Variants in ZFYVE27 observed in about 807,000 individuals in gnomAD.
ZFYVE27 encodes the protein protrudin.
ZFYVE27 carries 36 observed loss-of-function variants against 52.8 expected under a neutral mutation model. The ratio of observed to expected loss-of-function variants is 0.68; its 90% CI spans 0.52 to 0.90. The LOEUF (loss-of-function observed/expected upper bound fraction) is 0.90. Ranked by LOEUF, ZFYVE27 falls within the 40% of genes least tolerant of loss-of-function variation. The pLI is 0.00. For synonymous variants in ZFYVE27, 223 were observed against 215.6 expected (o/e 1.03, Z -0.30); for missense variants, 450 against 527.2 (o/e 0.85, Z 1.43).
chr10:97,744,290 A>G (rs2044567823), intron 3 of ZFYVE27, among the ~76,000 whole-genome samples: 1 of 152,224 alleles, frequency 6.6e-6, no homozygotes, highest in Non-Finnish European at 1.5e-5. Context: ...AATCGTCTGC[A>G]GTGTCCTAAA....
rs7916454 is a variant in ZFYVE27, at chr10:97,748,600, A to G, written c.551+236A>G. 0.61 allele frequency among the ~76,000 whole-genome samples: 93,254 copies of G among 152,114 alleles called. 30,244 individuals carry two copies. The highest frequency in any genetic ancestry group is 0.73 in the Middle Eastern group (214 of 294). On this transcript the variant is annotated intron_variant, in intron 5 of 12. Coordinates refer to ENST00000684270, the MANE Select transcript of ZFYVE27 (RefSeq NM_001385875.1). ...TAATAGAAAAATAACTCACCATATA[A>G]TCCACCATGCAGCCGAATCTCTTGT...
chr10:97,748,291 C>G lies in ZFYVE27; in HGVS notation c.478C>G (p.Leu160Val). The change falls in exon 5 of 13, where the codon CTG becomes GTG. Residue 160 changes from leucine to valine, a missense_variant. Leu to Val is a conservative substitution (Grantham distance 32, BLOSUM62 1). Coordinates refer to ENST00000684270, the MANE Select transcript of ZFYVE27 (RefSeq NM_001385875.1). ...KSFLIQLEAF[L>V]SRLCCTCEAA... ...TAGCTTGATCCAGCTGGAGGCCTTC[C>G]TGAGCCGCCTGTGCTGCACATGTGA... 1 of 1,614,152 alleles carries G rather than the reference C, an allele frequency of 6.2e-7. No individual in the cohort carries two copies. The highest frequency in any genetic ancestry group is 8.5e-7 in the Non-Finnish European group (1 of 1,180,042).
Position 97,746,028 on chromosome 10 carries a change from CATATATAT to C in ZFYVE27, c.455+1130_455+1137del, listed in dbSNP as rs398046319. On this transcript the variant is annotated intron_variant, in intron 4 of 12. Coordinates refer to ENST00000684270, the MANE Select transcript of ZFYVE27 (RefSeq NM_001385875.1). ...TGAAATAGTTTTATATATATATACA[CATATATAT>C]ATATATATATATATATTTTTTTTTT... Among the ~76,000 whole-genome samples the C allele has an allele frequency of 8.5e-3, 1,098 of 129,292 alleles. 26 individuals are homozygous for C. The highest frequency in any genetic ancestry group is 0.03 in the African/African-American group (1,012 of 33,826). The allele number at this position is 129,292 out of a possible 152,430, so 84.8% of individuals were successfully genotyped here. A position where few individuals can be genotyped will look rare whatever the true frequency, so the allele number is the denominator to read the frequency against.
At position 97,753,069 on chromosome 10, in the gene ZFYVE27, A is replaced by T. The variant is rs1021309682; in HGVS notation, c.929A>T (p.Glu310Val). 3 of 1,611,944 alleles carry T rather than the reference A, an allele frequency of 1.9e-6. No homozygotes were observed. The highest frequency in any genetic ancestry group is 1.7e-6 in the Non-Finnish European group (2 of 1,179,296). ...EDDEGAPCPA[E>V]DELALQDNGF... ...GATGAGGGCGCCCCGTGCCCAGCAGAGGATGAGCTGGCCCTGCAGGACAAC... is the reference window on the plus strand; with the variant it reads ...GATGAGGGCGCCCCGTGCCCAGCAGTGGATGAGCTGGCCCTGCAGGACAAC... The change falls in exon 10 of 13, where the codon GAG becomes GTG. Residue 310 changes from glutamate to valine, a missense_variant. Glu to Val is a moderately radical substitution (Grantham distance 121). Coordinates refer to ENST00000684270, the MANE Select transcript of ZFYVE27 (RefSeq NM_001385875.1).
chr10:97,759,503 C>G lies in ZFYVE27; in HGVS notation c.*203C>G, dbSNP rs1331812198. The G allele has an allele frequency of 1.1e-5, 7 of 654,412 alleles. No individual in the cohort carries two copies. Among genetic ancestry groups the G allele is most frequent in the South Asian group, 6.8e-5 (4 of 59,094 alleles). 40.5% of individuals were successfully genotyped at this position (654,412 alleles called of 1,614,324 possible). A position where few individuals can be genotyped will look rare whatever the true frequency, so the allele number is the denominator to read the frequency against. Reference sequence around the variant, plus strand: ...GAGAGTGGCTGGCAATGGCTGCTCTCAATCCCTTGAGGGAGAAGAGCCCCT... The same window carrying G: ...GAGAGTGGCTGGCAATGGCTGCTCTGAATCCCTTGAGGGAGAAGAGCCCCT... On this transcript the variant is annotated 3_prime_UTR_variant, in exon 13 of 13. Transcript: ENST00000684270.
At chr10:97,741,670 G>A (rs2043675251) in intron 2 of ZFYVE27, among the ~76,000 whole-genome samples, 1 of 152,040 alleles carries the variant, frequency 6.6e-6, no homozygotes, top group South Asian at 2.1e-4. Flanking sequence ...GTAGATGATG[G>A]GTTGATGGGT....
At chr10:97,750,605 C>A in intron 7 of ZFYVE27, 135 bp downstream of exon 7, 2 of 1,159,428 alleles carry the variant, frequency 1.7e-6, no homozygotes, top group Non-Finnish European at 2.4e-6. Context: ...CTGAAGTGTT[C>A]AATAATAATA....
At chr10:97,758,464 C>T (rs556337131) in intron 12 of ZFYVE27, among the ~76,000 whole-genome samples, 7 of 152,044 alleles carry the variant, frequency 4.6e-5, no homozygotes, top group Non-Finnish European at 8.8e-5. Flanking sequence ...GCTGGGATTA[C>T]AGGCATGCGC....
rs1351132836 is a variant in ZFYVE27, at chr10:97,749,587, G to T, written c.664+1G>T. ...CTGGGGAATGTGGAGTTCTTCCGAG[G>T]TAAGCCCTGAAGGGCCTGAAAGATG... is the stretch of plus-strand genomic sequence containing the variant. On this transcript the variant is annotated splice_donor_variant, in intron 6 of 12. Transcript: ENST00000684270. LOFTEE classifies it high-confidence loss of function. 4.3e-6 allele frequency: 7 copies of T among 1,613,676 alleles called. No homozygotes were observed. Among genetic ancestry groups the T allele is most frequent in the Admixed American group, 3.3e-5 (2 of 60,008 alleles).
intron 5 of ZFYVE27, among the ~76,000 whole-genome samples, chr10:97,749,136 C>T (rs2046267923): frequency 6.6e-6 from 1 of 152,194 alleles, no homozygotes; most frequent in Non-Finnish European, 1.5e-5. Flanking sequence ...AACCAAGAGA[C>T]TTCTCAGAAT....
chr10:97,745,739 T>G (rs949480409), intron 4 of ZFYVE27, among the ~76,000 whole-genome samples: 1 of 152,190 alleles, frequency 6.6e-6, no homozygotes, highest in African/African-American at 2.4e-5. Flanking sequence ...CACTACACTG[T>G]GGAGAAACTT....
chr10:97,749,824 G>T lies in ZFYVE27; in HGVS notation c.664+238G>T, dbSNP rs181103514. On this transcript the variant is annotated intron_variant, in intron 6 of 12. Transcript: ENST00000684270. ...CATCTCCCTTCGCTCCCTTCCCAAG[G>T]CAGATGAATCACTGCTTATATGATA... Among the ~76,000 whole-genome samples the T allele has an allele frequency of 4.1e-3, 620 of 152,336 alleles. 1 individual carries two copies. The highest frequency in any genetic ancestry group is 0.014 in the African/African-American group (595 of 41,580).
chr10:97,755,991 C>T (rs529943920), intron 10 of ZFYVE27, among the ~76,000 whole-genome samples: 20 of 152,256 alleles, frequency 1.3e-4, no homozygotes, highest in Admixed American at 9.2e-4. Flanking sequence ...TCCCTGGCTC[C>T]GGTCTGTGAG....
intron 4 of ZFYVE27, among the ~76,000 whole-genome samples, chr10:97,745,208 C>T (rs1281851679): frequency 6.6e-6 from 1 of 150,490 alleles, no homozygotes; most frequent in Non-Finnish European, 1.5e-5. Context: ...CAGAGTTTCG[C>T]TCTCGTTGTC....
intron 5 of ZFYVE27, 42 bp downstream of exon 5, chr10:97,748,406 T>C: frequency 6.3e-7 from 1 of 1,599,656 alleles, no homozygotes; most frequent in South Asian, 1.1e-5. Context: ...TATAGGAATT[T>C]GCAGCTTGAG....
chr10:97,754,775 A>G, intron 10 of ZFYVE27: 3 of 1,289,428 alleles, frequency 2.3e-6, no homozygotes, highest in Non-Finnish European at 3.0e-6. Context: ...GCCAGATTCC[A>G]GCAGTGCCCG....
At chr10:97,757,905 A>G in intron 12 of ZFYVE27, 182 bp downstream of exon 12, 3 of 600,998 alleles carry the variant, frequency 5.0e-6, no homozygotes, top group Non-Finnish European at 9.0e-6. Context: ...CGAAGAATAG[A>G]TATGATGTAC....
rs750629433 is a variant in ZFYVE27 at position 97,750,481 on chromosome 10, C to G, written c.804+11C>G. On this transcript the variant is annotated intron_variant, in intron 7 of 12. Coordinates refer to ENST00000684270, the MANE Select transcript of ZFYVE27 (RefSeq NM_001385875.1). ...CTCACACCCACGGAGGTAAGTGCCA[C>G]TGTCAGGGCAGAGCCTGCTGTGGCC... 3.7e-6 allele frequency: 6 copies of G among 1,613,906 alleles called. No homozygotes were observed. Among genetic ancestry groups the G allele is most frequent in the Non-Finnish European group, 4.2e-6 (5 of 1,180,028 alleles).
At chr10:97,739,885 G>GTTTTT (rs34955180) in intron 2 of ZFYVE27, among the ~76,000 whole-genome samples, 1 of 137,270 alleles carries the variant, frequency 7.3e-6, no homozygotes, top group African/African-American at 2.7e-5. Flanking sequence ...TTAGAAAAGT[G>GTTTTT]TTTTTTTTTT....
Sources: allele counts gnomAD v4.1 joint callset (sites outside exome capture counted in the v4.1 genomes callset), GRCh38; gene constraint gnomAD v4.1.1; transcripts MANE v1.5; gene names NCBI Gene and HGNC (gene_info 2026-07-23, HGNC 2026-07-21).